PRKAR2B: variants seen among roughly 807,000 people sequenced by gnomAD.
PRKAR2B encodes the protein cAMP-dependent protein kinase type II-beta regulatory subunit.
PRKAR2B carries 14 observed loss-of-function variants against 49.9 expected under a neutral mutation model. The observed-to-expected ratio is 0.28, with a 90% CI of 0.19 to 0.44. The LOEUF (loss-of-function observed/expected upper bound fraction) is 0.44, where lower values mean the gene tolerates loss of function less well. PRKAR2B is among the 20% of genes least tolerant of loss of function. The pLI is 1.00. For synonymous variants in PRKAR2B, 196 were observed against 197.7 expected, an observed-to-expected ratio of 0.99 and a Z score of 0.07; for missense variants, 393 against 537.9, an observed-to-expected ratio of 0.73 and a Z score of 2.67.
chr7:107,061,482 C>T (rs1794026134), intron 1 of PRKAR2B, among the ~76,000 whole-genome samples: 1 of 152,104 alleles, frequency 6.6e-6, no homozygotes, highest in African/African-American at 2.4e-5. Context: ...TAACTTATCA[C>T]AACTGGGATT....
chr7:107,130,656 T>G (rs952956924), intron 4 of PRKAR2B, among the ~76,000 whole-genome samples: 1 of 152,188 alleles, frequency 6.6e-6, no homozygotes, highest in East Asian at 1.9e-4. Flanking sequence ...TCAATCCACG[T>G]TTGCCGAGTA....
rs2115692475 is a variant in PRKAR2B, at chr7:107,160,663, C to CA, written c.*1082dup. On this transcript the variant is annotated 3_prime_UTR_variant, in exon 11 of 11. Coordinates refer to ENST00000265717, the MANE Select transcript of PRKAR2B (RefSeq NM_002736.3). Reference sequence around the variant, plus strand: ...GTTTGGTTTTTTTAATTCTTAAAAACATCCTCTAGAGGAATAGAAACAAAT... The same window carrying CA: ...GTTTGGTTTTTTTAATTCTTAAAAACAATCCTCTAGAGGAATAGAAACAAAT... The CA allele has an allele frequency of 6.6e-6, 1 of 152,192 alleles. No homozygotes were observed. The highest frequency in any genetic ancestry group is 2.1e-4 in the South Asian group (1 of 4,824). The allele number at this position is 152,192 out of a possible 1,614,324, so 9.4% of individuals were successfully genotyped here. A position where few individuals can be genotyped will look rare whatever the true frequency, so the allele number is the denominator to read the frequency against.
intron 2 of PRKAR2B, among the ~76,000 whole-genome samples, chr7:107,113,630 A>G (rs1221041360): frequency 6.6e-6 from 1 of 152,138 alleles, no homozygotes; most frequent in Admixed American, 6.6e-5. Flanking sequence ...AGTTTCCCAA[A>G]CATATTATCC....
chr7:107,092,245 T>TTGTG (rs34502492), intron 2 of PRKAR2B, among the ~76,000 whole-genome samples: 14,352 of 148,282 alleles, frequency 0.097, 788 homozygotes, highest in Middle Eastern at 0.15. Context: ...AACCATTAAG[T>TTGTG]TGTGTGTGTG....
At chr7:107,152,354 C>T (rs1415442871) in intron 7 of PRKAR2B, among the ~76,000 whole-genome samples, 1 of 152,216 alleles carries the variant, frequency 6.6e-6, no homozygotes, top group African/African-American at 2.4e-5. Context: ...TCAAACACAC[C>T]TGTCCCACAC....
At chr7:107,068,367 G>C (rs1484847865) in intron 1 of PRKAR2B, among the ~76,000 whole-genome samples, 1 of 151,936 alleles carries the variant, frequency 6.6e-6, no homozygotes, top group African/African-American at 2.4e-5. Context: ...TGCACTCTCC[G>C]TTCTGCATTC....
rs969174445 is a variant in PRKAR2B, at chr7:107,045,277, CTG to C, written c.307+66_307+67del. 20 of 1,346,022 alleles carry C rather than the reference CTG, an allele frequency of 1.5e-5. No homozygotes were observed. In the Admixed American group the frequency reaches 5.6e-4, roughly 38 times the overall value. 83.4% of individuals were successfully genotyped at this position (1,346,022 alleles called of 1,614,324 possible). A position where few individuals can be genotyped will look rare whatever the true frequency, so the allele number is the denominator to read the frequency against. ...CCTCGCTGCCCCCCACCGCTCCCCGCTGTGCTCTCGGATCTTGCCGCTTTGCG... is the reference window on the plus strand; with the variant it reads ...CCTCGCTGCCCCCCACCGCTCCCCGCTGCTCTCGGATCTTGCCGCTTTGCG... On this transcript the variant is annotated intron_variant, in intron 1 of 10. Coordinates refer to ENST00000265717, the MANE Select transcript of PRKAR2B (RefSeq NM_002736.3).
chr7:107,099,778 G>A (rs1272029739), intron 2 of PRKAR2B, among the ~76,000 whole-genome samples: 2 of 151,892 alleles, frequency 1.3e-5, no homozygotes, highest in Non-Finnish European at 2.9e-5. Context: ...GGGACTACAG[G>A]CCCCCACCAC....
At chr7:107,094,213 G>T (rs1794791730) in intron 2 of PRKAR2B, among the ~76,000 whole-genome samples, 1 of 152,164 alleles carries the variant, frequency 6.6e-6, no homozygotes, top group Non-Finnish European at 1.5e-5. Flanking sequence ...TCTAACTGGT[G>T]TGAGATGGTA....
intron 2 of PRKAR2B, among the ~76,000 whole-genome samples, chr7:107,074,519 C>A (rs1794354106): frequency 6.6e-6 from 1 of 151,922 alleles, no homozygotes; most frequent in African/African-American, 2.4e-5. Context: ...GTGGTGGTGG[C>A]TGGGCGCTGT....
At chr7:107,045,687 C>T (rs1793674281) in intron 1 of PRKAR2B, among the ~76,000 whole-genome samples, 1 of 152,100 alleles carries the variant, frequency 6.6e-6, no homozygotes, top group Admixed American at 6.5e-5. Context: ...GTTGTTAGGA[C>T]GGTAGATTCG....
intron 6 of PRKAR2B, 33 bp from the exon 7 acceptor site, chr7:107,150,889 A>G (rs367659165): frequency 1.7e-6 from 2 of 1,205,774 alleles, no homozygotes; most frequent in Non-Finnish European, 2.4e-6. Context: ...CTTTACCCCC[A>G]TAAAATTTAC....
chr7:107,077,089 C>A (rs1794413407), intron 2 of PRKAR2B: 1 of 152,106 alleles, frequency 6.6e-6, no homozygotes, highest in Admixed American at 6.6e-5. Flanking sequence ...TTCCAGAGGT[C>A]ATTTCTATAT....
intron 4 of PRKAR2B, among the ~76,000 whole-genome samples, chr7:107,137,651 A>T (rs1795722007): frequency 6.6e-6 from 1 of 152,176 alleles, no homozygotes; most frequent in African/African-American, 2.4e-5. Flanking sequence ...GTTCCATTTT[A>T]CCTTCTCACC....
chr7:107,059,520 A>G (rs1035471657), intron 1 of PRKAR2B, among the ~76,000 whole-genome samples: 2 of 151,112 alleles, frequency 1.3e-5, no homozygotes, highest in Non-Finnish European at 1.5e-5. Context: ...TTATCCATCA[A>G]CTTGTTTTTG....
chr7:107,102,380 A>T (rs550321803), intron 2 of PRKAR2B, among the ~76,000 whole-genome samples: 29 of 152,218 alleles, frequency 1.9e-4, no homozygotes, highest in Non-Finnish European at 3.5e-4. Flanking sequence ...AATTTAGCAT[A>T]TAATTAAGAG....
intron 2 of PRKAR2B, among the ~76,000 whole-genome samples, chr7:107,087,242 T>G (rs973506651): frequency 4.6e-5 from 7 of 152,130 alleles, no homozygotes; most frequent in African/African-American, 1.7e-4. Context: ...AGCATTTTCA[T>G]CCATCAAATA....
rs1431584788 is a variant in PRKAR2B at position 107,159,766 on chromosome 7, A to G, written c.*184A>G. On this transcript the variant is annotated 3_prime_UTR_variant, in exon 11 of 11. Transcript: ENST00000265717. ...TCAATAGGCTTTAACATCACTTTCT[A>G]AAGAGTAGTTCATAAAAAAATCAAC... 2 of 517,098 alleles carry G rather than the reference A, an allele frequency of 3.9e-6. No homozygotes were observed. Among genetic ancestry groups the G allele is most frequent in the African/African-American group, 3.9e-5 (2 of 51,718 alleles). 32.0% of individuals were successfully genotyped at this position (517,098 alleles called of 1,614,324 possible).
chr7:107,056,824 G>T (rs1397546789), intron 1 of PRKAR2B, among the ~76,000 whole-genome samples: 1 of 152,178 alleles, frequency 6.6e-6, no homozygotes, highest in East Asian at 1.9e-4. Context: ...CTTCAGTTCA[G>T]TCTCATAGAT....
Sources: gnomAD v4.1 joint callset for allele counts (sites outside exome capture counted in the v4.1 genomes callset) on GRCh38, gnomAD v4.1.1 for gene constraint, MANE v1.5 for transcripts, NCBI Gene and HGNC (gene_info 2026-07-23, HGNC 2026-07-21) for gene names.